Variants in NPSR1 observed in about 807,000 individuals in gnomAD.
NPSR1 encodes neuropeptide S receptor 1.
Under a neutral mutation model 46.9 loss-of-function variants are expected in NPSR1, and 48 were observed. The ratio of observed to expected loss-of-function variants is 1.02; its 90% CI spans 0.81 to 1.30. The LOEUF is 1.30. Among genes scored for constraint, NPSR1 ranks in the 50% most tolerant of loss-of-function variants. The pLI, the probability that NPSR1 is intolerant of heterozygous loss-of-function variation, is 0.00. For missense variants in NPSR1, 450 were observed against 449.5 expected, an observed-to-expected ratio of 1.00 and a Z score of -0.01; for synonymous variants, 176 against 168.1, an observed-to-expected ratio of 1.05 and a Z score of -0.36.
At chr7:34,823,399 G>GAAAAAGAAAAAAAAAAAAAAA (rs1554336128) in intron 4 of NPSR1, among the ~76,000 whole-genome samples, 8 of 68,252 alleles carry the variant, frequency 1.2e-4, no homozygotes, top group African/African-American at 4.1e-4. Flanking sequence ...GACTTCACCA[G>GAAAAAGAAAAAAAAAAAAAAA]AAAAAAAAAA....
At chr7:34,720,131 T>C (rs1329771864) in intron 2 of NPSR1, among the ~76,000 whole-genome samples, 6 of 151,726 alleles carry the variant, frequency 4.0e-5, no homozygotes, top group Non-Finnish European at 5.9e-5. Context: ...AATACAAAAA[T>C]TAGCCAGGTG....
At chr7:34,819,656 G>C (rs973954674) in intron 4 of NPSR1, among the ~76,000 whole-genome samples, 1 of 152,188 alleles carries the variant, frequency 6.6e-6, no homozygotes, top group African/African-American at 2.4e-5. Flanking sequence ...CAATAGCAAA[G>C]ACTTGGAACC....
chr7:34,724,369 C>T (rs2128709689), intron 2 of NPSR1, among the ~76,000 whole-genome samples: 1 of 152,288 alleles, frequency 6.6e-6, no homozygotes, highest in East Asian at 1.9e-4. Context: ...CATTTCTACC[C>T]ATAAGCCCAC....
At chr7:34,810,245 C>A (rs1204576100) in intron 3 of NPSR1, among the ~76,000 whole-genome samples, 1 of 152,188 alleles carries the variant, frequency 6.6e-6, no homozygotes, top group Non-Finnish European at 1.5e-5. Context: ...CCTAATGTTA[C>A]AAAGTGGAGA....
In NPSR1 at chr7:34,815,647, T is replaced by C. The variant is rs186239051; in HGVS notation, c.478+3784T>C. ...ACCAAGGTTAAAATGAAGGAAAAAATGTTAACGGCAGCCAGAGAGAAAGGT... is the reference window on the plus strand; with the variant it reads ...ACCAAGGTTAAAATGAAGGAAAAAACGTTAACGGCAGCCAGAGAGAAAGGT... On this transcript the variant is annotated intron_variant, in intron 4 of 8. Coordinates refer to ENST00000360581, the MANE Select transcript of NPSR1 (RefSeq NM_207172.2). 5.0e-4 allele frequency among the ~76,000 whole-genome samples: 76 copies of C among 151,802 alleles called. 1 individual carries two copies. Among genetic ancestry groups the C allele is most frequent in the Admixed American group, 4.5e-3 (69 of 15,260 alleles).
chr7:34,774,609 G>C (rs1447122644), intron 2 of NPSR1, among the ~76,000 whole-genome samples: 1 of 152,162 alleles, frequency 6.6e-6, no homozygotes, highest in African/African-American at 2.4e-5. Context: ...ACTGAAAATG[G>C]ATGGCATTGC....
rs1347095835 is a variant in NPSR1 at position 34,849,951 on chromosome 7, G to T, written c.*296G>T. Reference sequence around the variant, plus strand: ...GTGAACACAGGCATTAGTGGTCCAGGGTCCTGGCTTGGAGCCAGTGAGTAG... The same window carrying T: ...GTGAACACAGGCATTAGTGGTCCAGTGTCCTGGCTTGGAGCCAGTGAGTAG... On this transcript the variant is annotated 3_prime_UTR_variant, in exon 9 of 9. Transcript: ENST00000360581. The T allele has an allele frequency of 1.8e-6, 2 of 1,136,686 alleles. No homozygotes were observed. Among genetic ancestry groups the T allele is most frequent in the African/African-American group, 1.6e-5 (1 of 62,530 alleles). 70.4% of individuals were successfully genotyped at this position (1,136,686 alleles called of 1,614,324 possible).
At chr7:34,758,928 C>T (rs922712193) in intron 2 of NPSR1, among the ~76,000 whole-genome samples, 5 of 152,202 alleles carry the variant, frequency 3.3e-5, no homozygotes, top group Admixed American at 6.5e-5. Flanking sequence ...TATCTTATGA[C>T]ATCAACATTT....
At chr7:34,844,589 C>T (rs535018693) in intron 6 of NPSR1, among the ~76,000 whole-genome samples, 2 of 152,300 alleles carry the variant, frequency 1.3e-5, no homozygotes, top group East Asian at 1.9e-4. Context: ...CAGGGAAGCC[C>T]TCAGCTCCTG....
Position 34,680,361 on chromosome 7 carries a change from A to C in NPSR1, c.148-4191A>C, listed in dbSNP as rs560073872. On this transcript the variant is annotated intron_variant, in intron 1 of 8. Coordinates refer to ENST00000360581, the MANE Select transcript of NPSR1 (RefSeq NM_207172.2). ...TAAACCAACATTACCCAGTTAGAGA[A>C]ATACAATGGTGTAAATGAAATATGT... Among the ~76,000 whole-genome samples the C allele has an allele frequency of 5.9e-3, 904 of 152,330 alleles. 5 individuals are homozygous for C. Among genetic ancestry groups the C allele is most frequent in the Non-Finnish European group, 7.6e-3 (514 of 68,024 alleles).
At chr7:34,861,571 C>G (rs1791192875) in intron 8 of NPSR1, among the ~76,000 whole-genome samples, 1 of 151,792 alleles carries the variant, frequency 6.6e-6, no homozygotes, top group African/African-American at 2.4e-5. Context: ...AGACAAAGAT[C>G]TTTGTTTTAT....
intron 2 of NPSR1, 35 bp downstream of exon 2, chr7:34,684,719 T>C (rs548690235): frequency 1.2e-5 from 19 of 1,565,722 alleles, no homozygotes; most frequent in Admixed American, 3.9e-5. Flanking sequence ...CAGGAAGCTA[T>C]ATGTGAAGTC....
chr7:34,854,837 C>T (rs77263284), downstream of NPSR1, among the ~76,000 whole-genome samples: 1,067 of 151,830 alleles, frequency 7.0e-3, 19 homozygotes, highest in African/African-American at 0.025. Context: ...CCTGAACAGA[C>T]ATTTTTTTCA....
chr7:34,741,307 T>TG (rs1784929968), intron 2 of NPSR1, among the ~76,000 whole-genome samples: 1 of 152,186 alleles, frequency 6.6e-6, no homozygotes, highest in African/African-American at 2.4e-5. Flanking sequence ...TACCCAGAGG[T>TG]GAAAGCTCAG....
At chr7:34,853,419 G>C (rs544873240), downstream of NPSR1, among the ~76,000 whole-genome samples, 130 of 152,296 alleles carry the variant, frequency 8.5e-4, no homozygotes, top group African/African-American at 3.1e-3. Context: ...TAATTGAAGG[G>C]AGAAGGCCGT....
At chr7:34,746,210 G>C (rs774077719) in intron 2 of NPSR1, among the ~76,000 whole-genome samples, 7 of 152,090 alleles carry the variant, frequency 4.6e-5, no homozygotes, top group Non-Finnish European at 1.0e-4. Flanking sequence ...CTGCAATTCT[G>C]ATCAAAAAAG....
At position 34,667,190 on chromosome 7, in the gene NPSR1, C is replaced by T. The variant is rs112739663; in HGVS notation, c.147+8631C>T. On this transcript the variant is annotated intron_variant, in intron 1 of 8. Coordinates refer to ENST00000360581, the MANE Select transcript of NPSR1 (RefSeq NM_207172.2). ...TGAGCTGGAGCCATGGGCTCTGGACCTGGCAGGCAGGTGTGGACCTTCAGC... is the reference window on the plus strand; with the variant it reads ...TGAGCTGGAGCCATGGGCTCTGGACTTGGCAGGCAGGTGTGGACCTTCAGC... Among the ~76,000 whole-genome samples, 1,414 of 152,318 alleles carry T rather than the reference C, an allele frequency of 9.3e-3. 22 individuals carry two copies. The highest frequency in any genetic ancestry group is 0.033 in the African/African-American group (1,354 of 41,576).
chr7:34,722,179 C>T (rs35978451), intron 2 of NPSR1, among the ~76,000 whole-genome samples: 3,297 of 152,010 alleles, frequency 0.022, 111 homozygotes, highest in African/African-American at 0.075. Flanking sequence ...TTGCAATATT[C>T]ATTACAAAGT....
At position 34,790,863 on chromosome 7, in the gene NPSR1, T is replaced by TATATC. The variant is rs1311392604; in HGVS notation, c.384+12302_384+12303insCATAT. On this transcript the variant is annotated intron_variant, in intron 3 of 8. Coordinates refer to ENST00000360581, the MANE Select transcript of NPSR1 (RefSeq NM_207172.2). ...TATATATATGTTATATGTTATGTTATATATGTTATATGTTATATTATATAT... is the reference window on the plus strand; with the variant it reads ...TATATATATGTTATATGTTATGTTATATATCATATGTTATATGTTATATTATATAT... Among the ~76,000 whole-genome samples the TATATC allele has an allele frequency of 2.1e-4, 27 of 129,002 alleles. 1 individual carries two copies. Among genetic ancestry groups the TATATC allele is most frequent in the Non-Finnish European group, 3.3e-4 (21 of 62,718 alleles). 84.6% of individuals were successfully genotyped at this position (129,002 alleles called of 152,430 possible).
Sources: allele counts gnomAD v4.1 joint callset (sites outside exome capture counted in the v4.1 genomes callset), GRCh38; gene constraint gnomAD v4.1.1; transcripts MANE v1.5; gene names NCBI Gene and HGNC (gene_info 2026-07-23, HGNC 2026-07-21).